SRFBP1: variants seen among roughly 807,000 people sequenced by gnomAD.
SRFBP1 encodes the protein serum response factor-binding protein 1.
In SRFBP1, 47 loss-of-function variants were observed where a neutral mutation model predicts 45.5. The observed-to-expected ratio is 1.03, with a 90% CI of 0.82 to 1.32. SRFBP1 has a LOEUF of 1.32. Ranked by LOEUF, SRFBP1 falls within the 40% of genes most tolerant of loss-of-function variation. The probability of loss-of-function intolerance (pLI) is 0.00; values close to 1 mark genes in which losing one functional copy is unlikely to be tolerated. For missense variants in SRFBP1, 621 were observed against 484.6 expected, an observed-to-expected ratio of 1.28 and a Z score of -2.64; for synonymous variants, 203 against 166.3, an observed-to-expected ratio of 1.22 and a Z score of -1.70.
At chr5:122,007,052 T>A (rs1362616442) in intron 4 of SRFBP1, among the ~76,000 whole-genome samples, 3 of 152,112 alleles carry the variant, frequency 2.0e-5, no homozygotes, top group Non-Finnish European at 4.4e-5. Flanking sequence ...TTGCTTTGTC[T>A]GGGAGAACCG....
chr5:122,051,609 G>T (rs1246677768), intron 2 of SRFBP1, among the ~76,000 whole-genome samples: 3 of 150,982 alleles, frequency 2.0e-5, no homozygotes. Flanking sequence ...CATTTACTTG[G>T]TAGGTTTTTT....
intron 2 of SRFBP1, 107 bp from the exon 3 acceptor site, chr5:121,975,208 A>T (rs1580500598): frequency 2.6e-6 from 3 of 1,137,572 alleles, no homozygotes; most frequent in South Asian, 1.4e-5. Flanking sequence ...TTTGTTATTT[A>T]GAGATTTATT....
rs1039731763 is a variant in SRFBP1 at position 122,000,551 on chromosome 5, C to A, written c.270+5881C>A. On this transcript the variant is annotated intron_variant, in intron 4 of 7. Coordinates refer to ENST00000339397, the MANE Select transcript of SRFBP1 (RefSeq NM_152546.3). The stretch of plus-strand genomic sequence containing the variant: ...TCCTTTATTTTAAAAAATATTTTTA[C>A]TAAGTATAGAATTCTGTGTTGATAG... 9.2e-5 allele frequency among the ~76,000 whole-genome samples: 14 copies of A among 152,058 alleles called. No homozygotes were observed. The East Asian group carries it at 2.5e-3, about 27-fold the overall frequency.
chr5:122,072,040 G>C (rs1220562531), intron 2 of SRFBP1, among the ~76,000 whole-genome samples: 4 of 152,140 alleles, frequency 2.6e-5, no homozygotes, highest in Non-Finnish European at 5.9e-5. Context: ...TCTGATTCCA[G>C]CATACAATTC....
intron 4 of SRFBP1, among the ~76,000 whole-genome samples, chr5:122,013,858 A>G (rs1316099003): frequency 1.3e-5 from 2 of 152,150 alleles, no homozygotes; most frequent in African/African-American, 4.8e-5. Context: ...TCATAGAAAT[A>G]GTAGAATGGT....
chr5:122,015,836 A>G (rs1380823498), intron 4 of SRFBP1, among the ~76,000 whole-genome samples: 3 of 152,170 alleles, frequency 2.0e-5, no homozygotes, highest in African/African-American at 7.2e-5. Context: ...TTTTATTTTA[A>G]GCACTAGCTA....
At chr5:121,987,232 A>G in intron 3 of SRFBP1, among the ~76,000 whole-genome samples, 1 of 152,114 alleles carries the variant, frequency 6.6e-6, no homozygotes, top group Admixed American at 6.6e-5. Flanking sequence ...ATAGGAGCAT[A>G]ACAGAAGCAT....
intron 1 of SRFBP1, among the ~76,000 whole-genome samples, chr5:121,968,553 A>G (rs1752122120): frequency 6.6e-6 from 1 of 152,208 alleles, no homozygotes; most frequent in Non-Finnish European, 1.5e-5. Context: ...TTAAAATACT[A>G]CATTGCTATA....
intron 4 of SRFBP1, among the ~76,000 whole-genome samples, chr5:122,011,853 G>A (rs1753101051): frequency 1.3e-5 from 2 of 152,066 alleles, no homozygotes; most frequent in South Asian, 2.1e-4. Context: ...TAAGCAAGGT[G>A]CAAATATTAT....
chr5:122,035,082 C>T (rs549696196), intron 2 of SRFBP1, among the ~76,000 whole-genome samples: 1 of 152,142 alleles, frequency 6.6e-6, no homozygotes, highest in South Asian at 2.1e-4. Flanking sequence ...TACCCTTTCA[C>T]AAGTCACAGT....
At chr5:121,974,907 C>G (rs1365842075) in intron 2 of SRFBP1, among the ~76,000 whole-genome samples, 3 of 151,570 alleles carry the variant, frequency 2.0e-5, no homozygotes, top group Non-Finnish European at 3.0e-5. Context: ...GAATATAGCC[C>G]TTCTTTATTT....
At chr5:121,974,716 T>C (rs1327771842) in intron 2 of SRFBP1, among the ~76,000 whole-genome samples, 1 of 151,932 alleles carries the variant, frequency 6.6e-6, no homozygotes, top group African/African-American at 2.4e-5. Context: ...TGAAAGTGTT[T>C]ATTAGAACAT....
At chr5:121,969,617 G>T (rs956034249) in intron 1 of SRFBP1, among the ~76,000 whole-genome samples, 1 of 151,950 alleles carries the variant, frequency 6.6e-6, no homozygotes, top group Non-Finnish European at 1.5e-5. Context: ...AACTTTAAAG[G>T]CTTCTGTATG....
rs1292338263 is a variant in SRFBP1, at chr5:122,025,532, G to A, written c.1106-1410G>A. Among the ~76,000 whole-genome samples, 3 of 152,050 alleles carry A rather than the reference G, an allele frequency of 2.0e-5. No individual in the cohort carries two copies. In the South Asian group the frequency reaches 6.2e-4, roughly 31 times the overall value. On this transcript the variant is annotated intron_variant, in intron 7 of 7. Coordinates refer to ENST00000339397, the MANE Select transcript of SRFBP1 (RefSeq NM_152546.3). ...TCTAGTTCTAGATCCCTGAGGAATCGCCACACTGACTTCCACAATGGTTGA... is the reference window on the plus strand; with the variant it reads ...TCTAGTTCTAGATCCCTGAGGAATCACCACACTGACTTCCACAATGGTTGA...
chr5:122,041,650 A>G (rs1753774731), intron 2 of SRFBP1, among the ~76,000 whole-genome samples: 1 of 152,052 alleles, frequency 6.6e-6, no homozygotes, highest in Admixed American at 6.6e-5. Context: ...ATGAACTCCT[A>G]TATACTGATA....
chr5:122,077,850 T>C (rs973193565), downstream of SRFBP1: 2 of 1,546,136 alleles, frequency 1.3e-6, no homozygotes, highest in African/African-American at 2.8e-5. The surrounding 1 kb of genome is among the most constrained non-coding windows in gnomAD (Gnocchi z 4.9). Context: ...TCCCATTGGA[T>C]CTGCTGGCGC....
intron 1 of SRFBP1, among the ~76,000 whole-genome samples, chr5:121,967,085 G>A (rs865906367): frequency 6.6e-6 from 1 of 151,538 alleles, no homozygotes; most frequent in Non-Finnish European, 1.5e-5. Context: ...GAGCCACCAC[G>A]CCTGGCCTAT....
At chr5:122,065,626 T>C (rs909809843) in intron 2 of SRFBP1, 1 of 152,090 alleles carries the variant, frequency 6.6e-6, no homozygotes, top group Non-Finnish European at 1.5e-5. Context: ...CACACATGTG[T>C]GACTGATTCC....
At chr5:122,001,586 G>A (rs1480406889) in intron 4 of SRFBP1, among the ~76,000 whole-genome samples, 5 of 125,140 alleles carry the variant, frequency 4.0e-5, no homozygotes, top group East Asian at 4.6e-4. Flanking sequence ...ACGGAGTCTC[G>A]CTCTGTCGCC....
Sources: allele counts gnomAD v4.1 joint callset (sites outside exome capture counted in the v4.1 genomes callset), GRCh38; gene constraint gnomAD v4.1.1; non-coding constraint Gnocchi (gnomAD v3.1); transcripts MANE v1.5; gene names NCBI Gene and HGNC (gene_info 2026-07-23, HGNC 2026-07-21).